Variants in MYO16 observed in about 807,000 individuals in gnomAD.
MYO16 encodes unconventional myosin-XVI.
A neutral mutation model predicts 205.3 loss-of-function variants in MYO16; 94 were observed. The observed-to-expected ratio is 0.46, with a 90% CI of 0.39 to 0.54. MYO16 has a LOEUF of 0.54. Among genes scored for constraint, MYO16 ranks in the 20% least tolerant of loss-of-function variants. The pLI, the probability that MYO16 is intolerant of heterozygous loss-of-function variation, is 0.00. For synonymous variants in MYO16, 988 were observed against 954.0 expected (o/e 1.04, Z -0.66); for missense variants, 2,315 against 2,387.5 (o/e 0.97, Z 0.63).
chr13:108,760,324 CAG>C (rs765903095), intron 4 of MYO16, among the ~76,000 whole-genome samples: 3 of 152,144 alleles, frequency 2.0e-5, no homozygotes, highest in African/African-American at 4.8e-5. Flanking sequence ...TGTTTCCTGG[CAG>C]AGTTATCTTA....
At chr13:108,596,545 C>A (rs147351232) in intron 1 of MYO16, among the ~76,000 whole-genome samples, 4 of 151,732 alleles carry the variant, frequency 2.6e-5, no homozygotes, top group Non-Finnish European at 5.9e-5. Flanking sequence ...TTTTGAAAGA[C>A]AGACAAAAAA....
chr13:108,911,066 CAG>C, intron 16 of MYO16, among the ~76,000 whole-genome samples: 2 of 143,130 alleles, frequency 1.4e-5, no homozygotes, highest in African/African-American at 5.3e-5. Flanking sequence ...CACACACACA[CAG>C]AGAGAGAGAA....
At chr13:108,604,115 AACTC>A (rs1352828939) in intron 1 of MYO16, among the ~76,000 whole-genome samples, 1 of 152,140 alleles carries the variant, frequency 6.6e-6, no homozygotes, top group African/African-American at 2.4e-5. Context: ...ATCTTGTAAG[AACTC>A]ACTCACTCTC....
rs376644537 is a variant in MYO16, at chr13:109,019,735, T to C, written c.2620T>C (p.Leu874=). 3.1e-6 allele frequency: 5 copies of C among 1,613,960 alleles called. No homozygotes were observed. The highest frequency in any genetic ancestry group is 3.4e-6 in the Non-Finnish European group (4 of 1,179,982). The change falls in exon 23 of 35, where the codon TTG becomes CTG. Residue 874 remains leucine, a synonymous_variant. Coordinates refer to ENST00000457511, the MANE Select transcript of MYO16 (RefSeq NM_001198950.3). ...FQKPSGFLTL[L]DEESQMIWSV... Reference sequence around the variant, plus strand: ...GAAGCCATCTGGATTTCTCACCTTATTGGATGAAGAAAGTCAAATGATTTG... The same window carrying C: ...GAAGCCATCTGGATTTCTCACCTTACTGGATGAAGAAAGTCAAATGATTTG...
chr13:108,954,168 G>A (rs1178162969), intron 16 of MYO16, among the ~76,000 whole-genome samples: 2 of 152,228 alleles, frequency 1.3e-5, no homozygotes, highest in Non-Finnish European at 1.5e-5. Context: ...GGAGGATGGG[G>A]AGGTTTAAAG....
chr13:108,764,014 A>G (rs1885700054), intron 4 of MYO16, among the ~76,000 whole-genome samples: 1 of 152,182 alleles, frequency 6.6e-6, no homozygotes, highest in African/African-American at 2.4e-5. Flanking sequence ...TGGTCATGAA[A>G]GTCAAGAGAA....
upstream of MYO16, among the ~76,000 whole-genome samples, chr13:108,595,909 G>A (rs1411249032): frequency 1.1e-5 from 1 of 91,252 alleles, no homozygotes; most frequent in Non-Finnish European, 2.1e-5. Context: ...TTTTTACCTT[G>A]AGCAGGCTAA....
At chr13:108,982,581 T>G (rs1884481934) in intron 20 of MYO16, among the ~76,000 whole-genome samples, 1 of 152,124 alleles carries the variant, frequency 6.6e-6, no homozygotes, top group Non-Finnish European at 1.5e-5. Flanking sequence ...ATACAGTAAT[T>G]TTATCTTTTA....
intron 2 of MYO16, among the ~76,000 whole-genome samples, chr13:108,712,058 T>A (rs938444278): frequency 6.6e-6 from 1 of 152,220 alleles, no homozygotes; most frequent in African/African-American, 2.4e-5. Flanking sequence ...AATTCACCTT[T>A]GCTGTTCAAA....
the MYO16 span, among the ~76,000 whole-genome samples, chr13:108,566,689 AAG>A: frequency 3.7e-3 from 527 of 144,244 alleles, 22 homozygotes; most frequent in East Asian, 0.082. Flanking sequence ...AAGGAAGGGA[AAG>A]AGAGAGAGAG....
chr13:109,108,814 G>A (rs188743079), intron 28 of MYO16, among the ~76,000 whole-genome samples: 1 of 152,254 alleles, frequency 6.6e-6, no homozygotes, highest in Non-Finnish European at 1.5e-5. Context: ...GGGACGTGCT[G>A]AGGCAGGACC....
chr13:108,833,607 T>C (rs1187031408), intron 9 of MYO16, among the ~76,000 whole-genome samples: 1 of 152,196 alleles, frequency 6.6e-6, no homozygotes, highest in Non-Finnish European at 1.5e-5. Context: ...TTTTCTAAGA[T>C]TGCTTTAGTT....
chr13:108,943,189 T>G (rs961120376), intron 16 of MYO16, among the ~76,000 whole-genome samples: 4 of 152,188 alleles, frequency 2.6e-5, no homozygotes, highest in Admixed American at 1.3e-4. Context: ...AACACTGTAT[T>G]TTTACCTGTC....
intron 7 of MYO16, among the ~76,000 whole-genome samples, chr13:108,809,417 A>C (rs1196933016): frequency 6.6e-6 from 1 of 152,214 alleles, no homozygotes; most frequent in East Asian, 1.9e-4. Context: ...ATTGGCTCAC[A>C]GTCTGCAGAC....
chr13:108,510,177 C>A, the MYO16 span, among the ~76,000 whole-genome samples: 1 of 152,188 alleles, frequency 6.6e-6, no homozygotes, highest in Admixed American at 6.5e-5. Context: ...AGTGCAATGG[C>A]GCTATCTCGG....
intron 15 of MYO16, among the ~76,000 whole-genome samples, chr13:108,901,016 C>A (rs1053625257): frequency 6.6e-6 from 1 of 152,108 alleles, no homozygotes; most frequent in African/African-American, 2.4e-5. Flanking sequence ...GAAATAAGCC[C>A]CGGTCTCCCA....
intron 1 of MYO16, chr13:108,659,226 G>GAT (rs1029031836): frequency 6.5e-5 from 10 of 153,748 alleles, no homozygotes; most frequent in South Asian, 2.1e-4. Flanking sequence ...ATATATATAT[G>GAT]ATATATATAT....
chr13:108,810,130 CATT>C (rs1374643632), intron 7 of MYO16, among the ~76,000 whole-genome samples: 1 of 152,184 alleles, frequency 6.6e-6, no homozygotes, highest in East Asian at 1.9e-4. Flanking sequence ...TTTTAAAACA[CATT>C]ATTTTTATCC....
At chr13:108,615,008 A>C (rs566988418) in intron 1 of MYO16, among the ~76,000 whole-genome samples, 1 of 152,246 alleles carries the variant, frequency 6.6e-6, no homozygotes, top group East Asian at 1.9e-4. Context: ...TCATCAGAGC[A>C]GTGAAAACAC....
Sources: gnomAD v4.1 joint callset for allele counts (sites outside exome capture counted in the v4.1 genomes callset) on GRCh38, gnomAD v4.1.1 for gene constraint, MANE v1.5 for transcripts, NCBI Gene and HGNC (gene_info 2026-07-23, HGNC 2026-07-21) for gene names.